TOM1: variants seen among roughly 807,000 people sequenced by gnomAD.
The protein encoded by TOM1 is target of Myb protein 1.
A neutral mutation model predicts 61.3 loss-of-function variants in TOM1; 38 were observed. The ratio of observed to expected loss-of-function variants is 0.62; its 90% CI spans 0.48 to 0.81. The LOEUF (loss-of-function observed/expected upper bound fraction) is 0.81. Ranked by LOEUF, TOM1 falls within the 40% of genes least tolerant of loss-of-function variation. TOM1 has a pLI of 0.00. For missense variants in TOM1, 591 were observed against 659.6 expected (o/e 0.90, Z 1.14); for synonymous variants, 270 against 268.8 (o/e 1.00, Z -0.04).
chr22:35,320,301 G>C (rs925124437), intron 2 of TOM1, among the ~76,000 whole-genome samples: 1 of 152,158 alleles, frequency 6.6e-6, no homozygotes, highest in Non-Finnish European at 1.5e-5. Flanking sequence ...GGGTGCAAGT[G>C]GGGGCCCTGC....
rs1021063675 is a variant in TOM1 at position 35,347,170 on chromosome 22, G to A, written c.1440G>A (p.Lys480=). The A allele has an allele frequency of 1.1e-5, 17 of 1,612,774 alleles. No individual in the cohort carries two copies. The highest frequency in any genetic ancestry group is 1.4e-5 in the Non-Finnish European group (16 of 1,179,562). ...CATCTGGCCCAGCGCCCCGGAAGAA[G>A]ACCCAGGAGAAAGATGATGACATGC... ...GPPSGPAPRK[K]TQEKDDDMLF... The change falls in exon 15 of 15, where the codon AAG becomes AAA. Residue 480 remains lysine (K), a synonymous_variant. Transcript: ENST00000449058.
intron 1 of TOM1, among the ~76,000 whole-genome samples, chr22:35,314,331 C>T (rs541623345): frequency 3.3e-5 from 5 of 152,212 alleles, no homozygotes; most frequent in Admixed American, 1.3e-4. Flanking sequence ...CCACATATCC[C>T]CTCCCACCCC....
chr22:35,333,728 G>A (rs138788), intron 10 of TOM1, among the ~76,000 whole-genome samples: 74,557 of 151,860 alleles, frequency 0.49, 19,305 homozygotes, highest in Non-Finnish European at 0.59. Flanking sequence ...TACCATCCTA[G>A]GATTGGCCCT....
chr22:35,330,043 G>A (rs1928682272), intron 7 of TOM1, among the ~76,000 whole-genome samples: 2 of 152,252 alleles, frequency 1.3e-5, no homozygotes, highest in Middle Eastern at 6.8e-3. Flanking sequence ...ACTTTGGGAG[G>A]CCGAGGCAGG....
At chr22:35,338,816 TG>T in intron 12 of TOM1, 28 bp downstream of exon 12, 3 of 1,545,838 alleles carry the variant, frequency 1.9e-6, no homozygotes. Flanking sequence ...CCTGCCACCC[TG>T]GGGCCCTCCT....
chr22:35,343,586 C>T (rs1323274154), intron 12 of TOM1, among the ~76,000 whole-genome samples: 1 of 138,068 alleles, frequency 7.2e-6, no homozygotes, highest in Non-Finnish European at 1.5e-5. Context: ...ACTCATACAC[C>T]TACACACACC....
chr22:35,324,983 G>T (rs1333607494), intron 6 of TOM1, among the ~76,000 whole-genome samples: 2 of 151,746 alleles, frequency 1.3e-5, no homozygotes, highest in African/African-American at 2.4e-5. Flanking sequence ...ATGGCCCACT[G>T]GGCCATGAGC....
intron 7 of TOM1, 64 bp from the exon 8 acceptor site, chr22:35,330,283 A>C: frequency 1.3e-6 from 2 of 1,527,126 alleles, no homozygotes; most frequent in South Asian, 1.3e-5. Flanking sequence ...TCTCACAAAA[A>C]AAAAAAGAGA....
Position 35,330,390 on chromosome 22 carries a change from A to C in TOM1, c.809A>C (p.Glu270Ala), listed in dbSNP as rs1470086794. ...TCRAMQQRVL[E>A]LIPQIANEQL... ...CGAGCCATGCAGCAGCGGGTCCTGGAGCTCATCCCTCAGATCGCCAATGAG... is the reference window on the plus strand; with the variant it reads ...CGAGCCATGCAGCAGCGGGTCCTGGCGCTCATCCCTCAGATCGCCAATGAG... Residue 270 changes from glutamate to alanine, a missense_variant, in exon 8 of 15, where the codon GAG becomes GCG. Glu to Ala is a moderately radical substitution (Grantham distance 107, BLOSUM62 -1). Transcript: ENST00000449058. 6.2e-7 allele frequency: 1 copy of C among 1,613,370 alleles called. No homozygotes were observed. Among genetic ancestry groups the C allele is most frequent in the Non-Finnish European group, 8.5e-7 (1 of 1,179,802 alleles).
chr22:35,317,817 G>C, intron 1 of TOM1, 60 bp from the exon 2 acceptor site: 1 of 1,329,048 alleles, frequency 7.5e-7, no homozygotes, highest in Non-Finnish European at 1.1e-6. Context: ...TCCCACCCAC[G>C]GTTTGAGTTT....
intron 12 of TOM1, among the ~76,000 whole-genome samples, chr22:35,342,216 C>T (rs1036706439): frequency 6.6e-6 from 1 of 152,116 alleles, no homozygotes; most frequent in African/African-American, 2.4e-5. Context: ...GCAGGACTCA[C>T]AAGTCGTGTG....
At chr22:35,330,619 GTGC>G in intron 8 of TOM1, 139 bp downstream of exon 8, 1 of 866,108 alleles carries the variant, frequency 1.2e-6, no homozygotes, top group Non-Finnish European at 1.7e-6. Context: ...CTAAGGGCCT[GTGC>G]CCTCAGCTGT....
At chr22:35,338,064 C>T (rs1929533883) in intron 11 of TOM1, among the ~76,000 whole-genome samples, 1 of 152,212 alleles carries the variant, frequency 6.6e-6, no homozygotes, top group African/African-American at 2.4e-5. Context: ...ATCTGCCCAG[C>T]AACTGTGGGG....
intron 1 of TOM1, among the ~76,000 whole-genome samples, chr22:35,308,250 CTT>C (rs1926504668): frequency 1.3e-5 from 2 of 149,952 alleles, no homozygotes; most frequent in Admixed American, 1.3e-4. Context: ...CTCTCTCTCT[CTT>C]TCTTTCTGCT....
At chr22:35,332,334 C>T (rs1928909352) in intron 8 of TOM1, among the ~76,000 whole-genome samples, 1 of 152,158 alleles carries the variant, frequency 6.6e-6, no homozygotes, top group Admixed American at 6.5e-5. Context: ...TTCAAGCTCG[C>T]AGTCACTTAT....
chr22:35,321,752 G>A, intron 2 of TOM1: 1 of 695,598 alleles, frequency 1.4e-6, no homozygotes, highest in East Asian at 2.8e-5. Context: ...TGACTCTGCT[G>A]CTGGAGGTCC....
chr22:35,326,613 G>A (rs377296197), intron 6 of TOM1, among the ~76,000 whole-genome samples: 4 of 152,218 alleles, frequency 2.6e-5, no homozygotes, highest in African/African-American at 7.2e-5. Context: ...TCCACTAGGA[G>A]GAGAAAGAGG....
chr22:35,314,217 A>ATG (rs6480), intron 1 of TOM1, among the ~76,000 whole-genome samples: 79,363 of 151,934 alleles, frequency 0.52, 23,358 homozygotes, highest in Non-Finnish European at 0.66. Context: ...GTCTGGGCAG[A>ATG]TGTCCCACAG....
chr22:35,299,727 G>C, upstream of TOM1: 1 of 611,294 alleles, frequency 1.6e-6, no homozygotes. Context: ...CCGCCGCCGA[G>C]CAAGCCGCAG....
Sources: gnomAD v4.1 joint callset for allele counts (sites outside exome capture counted in the v4.1 genomes callset) on GRCh38, gnomAD v4.1.1 for gene constraint, MANE v1.5 for transcripts, NCBI Gene and HGNC (gene_info 2026-07-23, HGNC 2026-07-21) for gene names.